Variants in IMMP2L observed in about 807,000 individuals in gnomAD.
IMMP2L encodes mitochondrial inner membrane protease subunit 2.
Under a neutral mutation model 19.3 loss-of-function variants are expected in IMMP2L, and 18 were observed. The ratio of observed to expected loss-of-function variants is 0.93; its 90% confidence interval spans 0.64 to 1.38. IMMP2L has a LOEUF of 1.38. Ranked by LOEUF, IMMP2L falls within the 40% of genes most tolerant of loss-of-function variation. IMMP2L has a pLI of 0.00. For synonymous variants in IMMP2L, 76 were observed against 73.0 expected (o/e 1.04, Z -0.21); for missense variants, 233 against 218.2 (o/e 1.07, Z -0.43).
chr7:111,541,819 T>C (rs1365453184), intron 1 of IMMP2L, among the ~76,000 whole-genome samples: 2 of 152,166 alleles, frequency 1.3e-5, no homozygotes, highest in African/African-American at 2.4e-5. Context: ...AGCTTTCTTC[T>C]GCAAAAAAGA....
At chr7:110,798,309 T>G (rs1801000463) in intron 5 of IMMP2L, among the ~76,000 whole-genome samples, 1 of 151,940 alleles carries the variant, frequency 6.6e-6, no homozygotes, top group African/African-American at 2.4e-5. Context: ...GAGGCAATCA[T>G]ACAACACATT....
At chr7:111,156,871 T>C (rs918539573) in intron 3 of IMMP2L, among the ~76,000 whole-genome samples, 1 of 151,784 alleles carries the variant, frequency 6.6e-6, no homozygotes, top group African/African-American at 2.4e-5. Context: ...ATTTATAGAG[T>C]TTATTTTCTT....
intron 3 of IMMP2L, among the ~76,000 whole-genome samples, chr7:111,192,447 C>G (rs1028570184): frequency 2.6e-5 from 4 of 152,110 alleles, no homozygotes; most frequent in Non-Finnish European, 5.9e-5. Context: ...GAAAACTGAG[C>G]AATCCAAACG....
At chr7:110,962,696 T>C (rs369736276) in intron 4 of IMMP2L, 1 of 998,572 alleles carries the variant, frequency 1.0e-6, no homozygotes, top group African/African-American at 1.7e-5. Flanking sequence ...ACTGCTAGCC[T>C]AGAATCTGCT....
chr7:110,844,533 T>C (rs1805453754), intron 5 of IMMP2L, among the ~76,000 whole-genome samples: 1 of 150,662 alleles, frequency 6.6e-6, no homozygotes, highest in Admixed American at 6.6e-5. Flanking sequence ...CGGATGGGGG[T>C]CTTTTATATG....
intron 5 of IMMP2L, among the ~76,000 whole-genome samples, chr7:110,740,218 CA>C (rs1360849719): frequency 1.3e-5 from 2 of 151,936 alleles, no homozygotes; most frequent in African/African-American, 4.8e-5. Context: ...AAGATCTGAG[CA>C]GAACTAAATG....
intron 5 of IMMP2L, among the ~76,000 whole-genome samples, chr7:110,847,714 A>G (rs758903353): frequency 2.6e-5 from 4 of 152,182 alleles, no homozygotes; most frequent in Non-Finnish European, 5.9e-5. Flanking sequence ...AGACAAAGAG[A>G]TTAACAGAAC....
intron 3 of IMMP2L, among the ~76,000 whole-genome samples, chr7:111,050,879 T>A (rs889617397): frequency 6.6e-6 from 1 of 152,236 alleles, no homozygotes; most frequent in Non-Finnish European, 1.5e-5. Context: ...ATATTCAAAC[T>A]GTTTTAGTCA....
At chr7:111,385,770 C>T (rs531564502) in intron 3 of IMMP2L, among the ~76,000 whole-genome samples, 1 of 152,244 alleles carries the variant, frequency 6.6e-6, no homozygotes, top group South Asian at 2.1e-4. Flanking sequence ...ACCCAGGTCA[C>T]TGTCTTCATC....
intron 5 of IMMP2L, among the ~76,000 whole-genome samples, chr7:110,748,045 CAA>C (rs1797472137): frequency 6.6e-6 from 1 of 152,198 alleles, no homozygotes; most frequent in Admixed American, 6.5e-5. Context: ...GCAACTTCAG[CAA>C]AGTCTCAGGA....
intron 5 of IMMP2L, among the ~76,000 whole-genome samples, chr7:110,734,250 G>C (rs974188717): frequency 2.0e-5 from 3 of 152,138 alleles, no homozygotes; most frequent in Non-Finnish European, 2.9e-5. Flanking sequence ...ACAGAATGCT[G>C]GTAGAAATAG....
intron 5 of IMMP2L, among the ~76,000 whole-genome samples, chr7:110,753,435 G>A (rs929337388): frequency 3.9e-5 from 6 of 151,938 alleles, no homozygotes; most frequent in Non-Finnish European, 8.8e-5. Flanking sequence ...TGGGCATAAT[G>A]CCTTCTGACA....
At chr7:111,469,026 T>C (rs1380248832) in intron 3 of IMMP2L, among the ~76,000 whole-genome samples, 1 of 151,910 alleles carries the variant, frequency 6.6e-6, no homozygotes, top group African/African-American at 2.4e-5. Flanking sequence ...CAAAAAGAAA[T>C]CAGGTAGGCA....
intron 4 of IMMP2L, among the ~76,000 whole-genome samples, chr7:110,893,336 T>C (rs1237768903): frequency 6.6e-6 from 1 of 152,122 alleles, no homozygotes; most frequent in Non-Finnish European, 1.5e-5. Context: ...CAAAGTACAA[T>C]TAAGGGAAGC....
chr7:110,881,095 A>C (rs999740130), intron 5 of IMMP2L, among the ~76,000 whole-genome samples: 1 of 152,160 alleles, frequency 6.6e-6, no homozygotes, highest in Non-Finnish European at 1.5e-5. Flanking sequence ...TAATTACAGC[A>C]ACAAATCCAA....
intron 4 of IMMP2L, among the ~76,000 whole-genome samples, chr7:110,942,175 A>G (rs1816803314): frequency 6.6e-6 from 1 of 151,990 alleles, no homozygotes; most frequent in Admixed American, 6.6e-5. Context: ...ATTTCATTCA[A>G]GAGTTAAGTT....
chr7:111,441,501 C>T (rs1241331707), intron 3 of IMMP2L, among the ~76,000 whole-genome samples: 3 of 151,574 alleles, frequency 2.0e-5, no homozygotes, highest in African/African-American at 7.3e-5. Context: ...TTAGGTCGGG[C>T]ATGTTATATG....
At chr7:111,539,199 A>G (rs941407338) in intron 1 of IMMP2L, among the ~76,000 whole-genome samples, 102 of 9,078 alleles carry the variant, frequency 0.011, 12 homozygotes, top group South Asian at 0.028. Flanking sequence ...AAGGAGGGAG[A>G]AAGAAAGAAA....
chr7:111,002,776 G>A (rs929811167), intron 3 of IMMP2L, among the ~76,000 whole-genome samples: 1 of 152,126 alleles, frequency 6.6e-6, no homozygotes, highest in Non-Finnish European at 1.5e-5. Context: ...TCATCCTGAT[G>A]AACTGTCTTA....
Sources: allele counts gnomAD v4.1 joint callset (sites outside exome capture counted in the v4.1 genomes callset), GRCh38; gene constraint gnomAD v4.1.1; transcripts MANE v1.5; gene names NCBI Gene and HGNC (gene_info 2026-07-23, HGNC 2026-07-21).